The following SPTLC1 variants were observed in gnomAD, a reference collection of about 807,000 sequenced individuals.
SPTLC1 encodes serine palmitoyltransferase long chain base subunit 1.
In SPTLC1, 55 loss-of-function variants were observed where a neutral mutation model predicts 68.9. The observed-to-expected ratio is 0.80, with a 90% confidence interval of 0.64 to 1.00. The LOEUF (loss-of-function observed/expected upper bound fraction) is 1.00, where lower values mean the gene tolerates loss of function less well. Ranked by LOEUF, SPTLC1 falls within the 50% of genes least tolerant of loss-of-function variation. The pLI is 0.00. For missense variants in SPTLC1, 449 were observed against 573.1 expected (o/e 0.78, Z 2.21); for synonymous variants, 197 against 201.6 (o/e 0.98, Z 0.19).
At chr9:92,061,544 A>C (rs1318232260) in intron 6 of SPTLC1, among the ~76,000 whole-genome samples, 1 of 152,258 alleles carries the variant, frequency 6.6e-6, no homozygotes, top group Non-Finnish European at 1.5e-5. Context: ...GAATACTGTT[A>C]GATTATCAGG....
intron 3 of SPTLC1, among the ~76,000 whole-genome samples, chr9:92,093,955 C>A (rs775200736): frequency 6.6e-6 from 1 of 152,246 alleles, no homozygotes; most frequent in South Asian, 2.1e-4. Flanking sequence ...AGCAGTTACC[C>A]CACAAACCAC....
intron 3 of SPTLC1, among the ~76,000 whole-genome samples, chr9:92,081,292 G>GA (rs1196938137): frequency 6.6e-6 from 1 of 152,066 alleles, no homozygotes; most frequent in Non-Finnish European, 1.5e-5. Flanking sequence ...AAGTATCTCA[G>GA]AAAAATCTGG....
At chr9:92,104,341 G>A in intron 3 of SPTLC1, 1 of 1,394,122 alleles carries the variant, frequency 7.2e-7, no homozygotes, top group Non-Finnish European at 9.3e-7. Context: ...GCCTGCCCCG[G>A]GAATCTGGGG....
chr9:92,115,101 G>A (rs1304724212), intron 1 of SPTLC1: 8 of 600,960 alleles, frequency 1.3e-5, no homozygotes, highest in Middle Eastern at 4.5e-4. Context: ...AATTCAAACC[G>A]AGACCCTCAG....
intron 6 of SPTLC1, among the ~76,000 whole-genome samples, chr9:92,062,746 G>T (rs1834149026): frequency 6.6e-6 from 1 of 152,118 alleles, no homozygotes; most frequent in South Asian, 2.1e-4. Flanking sequence ...TGAAGCAAAA[G>T]AATCCATTGA....
intron 3 of SPTLC1, among the ~76,000 whole-genome samples, chr9:92,095,602 A>G (rs1835502108): frequency 6.6e-6 from 1 of 152,150 alleles, no homozygotes; most frequent in African/African-American, 2.4e-5. Flanking sequence ...TCTTCATACC[A>G]CTTAATATCA....
rs1833083325 is a variant in SPTLC1, at chr9:92,034,714, C to T, written c.1328+96G>A. Reference sequence around the variant, plus strand: ...TTTAATGACAGATATTCTTCCATAGCCTATGATAGTCTTTCAAAATTTTTC... The same window carrying T: ...TTTAATGACAGATATTCTTCCATAGTCTATGATAGTCTTTCAAAATTTTTC... On this transcript the variant is annotated intron_variant, in intron 14 of 14. Transcript: ENST00000262554. 3.2e-6 allele frequency: 3 copies of T among 929,012 alleles called. No individual in the cohort carries two copies. In the East Asian group the frequency reaches 7.2e-5, roughly 22 times the overall value. The allele number at this position is 929,012 out of a possible 1,614,324, so 57.5% of individuals were successfully genotyped here. A position where few individuals can be genotyped will look rare whatever the true frequency, so the allele number is the denominator to read the frequency against.
chr9:92,092,895 T>C (rs1343118673), intron 3 of SPTLC1, among the ~76,000 whole-genome samples: 3 of 152,230 alleles, frequency 2.0e-5, no homozygotes, highest in Non-Finnish European at 2.9e-5. Flanking sequence ...ATGAAACTCT[T>C]TACTGCTTTT....
intron 9 of SPTLC1, among the ~76,000 whole-genome samples, chr9:92,048,667 T>A (rs1313476984): frequency 6.6e-6 from 1 of 152,224 alleles, no homozygotes; most frequent in African/African-American, 2.4e-5. Context: ...CATTGCACTG[T>A]GTATTTCTAA....
intron 3 of SPTLC1, among the ~76,000 whole-genome samples, chr9:92,087,655 T>TG (rs1309794628): frequency 1.3e-5 from 2 of 152,170 alleles, no homozygotes; most frequent in South Asian, 2.1e-4. Flanking sequence ...CTGCCCCTAC[T>TG]GGGGGGTGCC....
intron 13 of SPTLC1, among the ~76,000 whole-genome samples, chr9:92,035,204 A>T (rs537167973): frequency 6.6e-6 from 1 of 152,236 alleles, no homozygotes; most frequent in Non-Finnish European, 1.5e-5. Context: ...AAATTCAAAC[A>T]GCCATAGCTA....
At chr9:92,107,529 G>C (rs1054158996) in intron 3 of SPTLC1, among the ~76,000 whole-genome samples, 5 of 152,228 alleles carry the variant, frequency 3.3e-5, no homozygotes, top group Non-Finnish European at 5.9e-5. Flanking sequence ...GAGGCCGGCG[G>C]ATCACAAAGT....
intron 13 of SPTLC1, among the ~76,000 whole-genome samples, chr9:92,037,361 A>C (rs1833176249): frequency 6.6e-6 from 1 of 152,200 alleles, no homozygotes; most frequent in Admixed American, 6.5e-5. Flanking sequence ...GCCCATTTTC[A>C]TTCTCAAATA....
At chr9:92,043,303 CA>C (rs1833411896) in intron 12 of SPTLC1, among the ~76,000 whole-genome samples, 1 of 152,176 alleles carries the variant, frequency 6.6e-6, no homozygotes, top group African/African-American at 2.4e-5. Context: ...CACTCTTTCT[CA>C]GACTAGTCTT....
rs1832985030 is a variant in SPTLC1, at chr9:92,032,213, C to G, written c.*252G>C. The G allele has an allele frequency of 7.5e-7, 1 of 1,327,242 alleles. No homozygotes were observed. The highest frequency in any genetic ancestry group is 1.5e-5 in the African/African-American group (1 of 67,626). 82.2% of individuals were successfully genotyped at this position (1,327,242 alleles called of 1,614,324 possible). On this transcript the variant is annotated 3_prime_UTR_variant, in exon 15 of 15. Transcript: ENST00000262554. ...AATAGTACTAAATGCACAATTTAAACATCAGTTATACACTGTCATTAGTTT... is the reference window on the plus strand; with the variant it reads ...AATAGTACTAAATGCACAATTTAAAGATCAGTTATACACTGTCATTAGTTT...
intron 2 of SPTLC1, 82 bp from the exon 3 acceptor site, chr9:92,108,916 T>G: frequency 6.3e-7 from 1 of 1,583,432 alleles, no homozygotes; most frequent in Non-Finnish European, 8.6e-7. Flanking sequence ...GTATTTCTTA[T>G]TATTCTAATT....
intron 3 of SPTLC1, among the ~76,000 whole-genome samples, chr9:92,095,220 G>C (rs1048841048): frequency 6.6e-6 from 1 of 152,210 alleles, no homozygotes; most frequent in Admixed American, 6.5e-5. Flanking sequence ...CAAACATTAA[G>C]AGAAATCCAA....
At chr9:92,040,426 T>C (rs1315000210) in intron 12 of SPTLC1, among the ~76,000 whole-genome samples, 2 of 151,670 alleles carry the variant, frequency 1.3e-5, no homozygotes, top group East Asian at 3.9e-4. Flanking sequence ...AAAAACTGCT[T>C]TCCAAATAGC....
intron 2 of SPTLC1, chr9:92,110,562 C>T (rs566845971): frequency 1.3e-4 from 20 of 152,228 alleles, no homozygotes; most frequent in East Asian, 5.8e-4. Context: ...TTATGATAGA[C>T]CATATTTACC....
Sources: gnomAD v4.1 joint callset for allele counts (sites outside exome capture counted in the v4.1 genomes callset) on GRCh38, gnomAD v4.1.1 for gene constraint, MANE v1.5 for transcripts, NCBI Gene and HGNC (gene_info 2026-07-23, HGNC 2026-07-21) for gene names.